The following ARFRP1 variants were observed in gnomAD, a reference collection of about 807,000 sequenced individuals.
The protein encoded by ARFRP1 is ADP-ribosylation factor-related protein 1.
Under a neutral mutation model 30.3 loss-of-function variants are expected in ARFRP1, and 19 were observed. The ratio of observed to expected loss-of-function variants is 0.63; its 90% CI spans 0.44 to 0.92. The LOEUF (loss-of-function observed/expected upper bound fraction) is 0.92, where lower values mean the gene tolerates loss of function less well. Among genes scored for constraint, ARFRP1 ranks in the 40% least tolerant of loss-of-function variants. The pLI, the probability that ARFRP1 is intolerant of heterozygous loss-of-function variation, is 0.00. For missense variants in ARFRP1, 245 were observed against 267.5 expected (o/e 0.92, Z 0.59); for synonymous variants, 133 against 114.2 (o/e 1.16, Z -1.05).
chr20:63,706,314 C>G, intron 4 of ARFRP1, 43 bp downstream of exon 4: 1 of 1,570,038 alleles, frequency 6.4e-7, no homozygotes, highest in African/African-American at 1.4e-5. Context: ...AGAAGTGGCA[C>G]TGGAGGGCTG....
intron 3 of ARFRP1, 54 bp downstream of exon 3, chr20:63,706,597 A>C: frequency 6.5e-7 from 1 of 1,539,944 alleles, no homozygotes; most frequent in Non-Finnish European, 9.0e-7. Flanking sequence ...TGGACTGTGA[A>C]TATCACGGCA....
chr20:63,702,224 G>A lies in ARFRP1; in HGVS notation c.265-7C>T. Reference sequence around the variant, plus strand: ...CGTGACACTCCGCATAATACTGGGAGGAAGCACCAGGAGTTGGGGCTCAGT... The same window carrying A: ...CGTGACACTCCGCATAATACTGGGAAGAAGCACCAGGAGTTGGGGCTCAGT... On this transcript the variant is annotated splice_region_variant and splice_polypyrimidine_tract_variant and intron_variant, in intron 4 of 7. Coordinates refer to ENST00000622789, the MANE Select transcript of ARFRP1 (RefSeq NM_001267547.3). The A allele has an allele frequency of 6.2e-7, 1 of 1,610,670 alleles. No individual in the cohort carries two copies. The highest frequency in any genetic ancestry group is 1.1e-5 in the South Asian group (1 of 91,062).
chr20:63,700,422 C>G lies in ARFRP1; in HGVS notation c.*21G>C. The G allele has an allele frequency of 6.2e-7, 1 of 1,605,514 alleles. No individual in the cohort carries two copies. The highest frequency in any genetic ancestry group is 8.5e-7 in the Non-Finnish European group (1 of 1,179,602). ...CTCCAGCACCAGGGGACCAGCCGTC[C>G]CGACGGCAGCGCGGCTGCGCCTACG... On this transcript the variant is annotated 3_prime_UTR_variant, in exon 8 of 8. Coordinates refer to ENST00000622789, the MANE Select transcript of ARFRP1 (RefSeq NM_001267547.3).
rs530717898 is a variant in ARFRP1 at position 63,698,739 on chromosome 20, G to A, written c.*1704C>T. ...GCAGCCGGGGACACCTGAGCCGCCC[G>A]CTGTGCCCAGATCCCTCAGGCTGCC... On this transcript the variant is annotated 3_prime_UTR_variant, in exon 8 of 8. Transcript: ENST00000622789. The A allele has an allele frequency of 1.5e-4, 105 of 712,714 alleles. No homozygotes were observed. Among genetic ancestry groups the A allele is most frequent in the South Asian group, 8.1e-4 (30 of 36,970 alleles). 44.1% of individuals were successfully genotyped at this position (712,714 alleles called of 1,614,324 possible). A position where few individuals can be genotyped will look rare whatever the true frequency, so the allele number is the denominator to read the frequency against.
chr20:63,707,445 G>GA (rs1445770145), intron 1 of ARFRP1: 2 of 206,658 alleles, frequency 9.7e-6, no homozygotes, highest in African/African-American at 4.7e-5. Flanking sequence ...GCGGAACGGG[G>GA]AACACACTCG....
chr20:63,705,974 C>CG (rs2091437699), intron 4 of ARFRP1: 2 of 347,918 alleles, frequency 5.7e-6, no homozygotes, highest in Non-Finnish European at 1.1e-5. Flanking sequence ...AGATCCCCCC[C>CG]GGCTTCAGGC....
At chr20:63,701,510 G>C in intron 6 of ARFRP1, 2 of 534,198 alleles carry the variant, frequency 3.7e-6, no homozygotes. Flanking sequence ...TTTGAGCTCT[G>C]AGTTTCACCT....
At chr20:63,705,695 C>T (rs2091420324) in intron 4 of ARFRP1, 1 of 533,102 alleles carries the variant, frequency 1.9e-6, no homozygotes, top group African/African-American at 1.9e-5. Flanking sequence ...ATTTCTGTGT[C>T]CTGTGGTGGT....
At chr20:63,702,456 G>A (rs2091262140) in intron 4 of ARFRP1, 1 of 547,964 alleles carries the variant, frequency 1.8e-6, no homozygotes, top group African/African-American at 1.9e-5. Context: ...GGCCAAAGGT[G>A]AAAGACAGGG....
intron 1 of ARFRP1, 133 bp from the exon 2 acceptor site, chr20:63,707,230 C>T (rs922190810): frequency 5.7e-6 from 4 of 701,270 alleles, no homozygotes; most frequent in South Asian, 1.8e-5. Flanking sequence ...TTCCCGACTC[C>T]TCGTCCCTCT....
chr20:63,707,344 C>T (rs2091534110), intron 1 of ARFRP1: 1 of 463,070 alleles, frequency 2.2e-6, no homozygotes. Context: ...CGGCCCCTCC[C>T]CTGCTCGCGG....
chr20:63,706,818 T>C (rs2091493523), intron 2 of ARFRP1, 80 bp from the exon 3 acceptor site: 3 of 1,355,726 alleles, frequency 2.2e-6, no homozygotes, highest in Admixed American at 3.4e-5. Context: ...GTCTGTTCTT[T>C]AAAAGACAGA....
chr20:63,702,146 C>T lies in ARFRP1; in HGVS notation c.336G>A (p.Lys112=). 1 of 1,611,314 alleles carries T rather than the reference C, an allele frequency of 6.2e-7. No individual in the cohort carries two copies. The highest frequency in any genetic ancestry group is 8.5e-7 in the Non-Finnish European group (1 of 1,179,646). ...STDEERLAES[K]QAFEKVVTSE... ...CCAGGCCGCACTCACCAAACGCCTG[C>T]TTGGACTCAGCCAGCCTCTCCTCGT... Residue 112 remains lysine, a synonymous_variant, in exon 5 of 8, where the codon AAG becomes AAA. Transcript: ENST00000622789.
rs1338925799 is a variant in ARFRP1, at chr20:63,699,285, C to G, written c.*1158G>C. On this transcript the variant is annotated 3_prime_UTR_variant, in exon 8 of 8. Transcript: ENST00000622789. ...GGGCCCGACTCCTGTGAGTCACAGC[C>G]CCGCAGCTGCTGCGCCACCCCCACC... 6.6e-6 allele frequency: 1 copy of G among 152,226 alleles called. No individual in the cohort carries two copies. Among genetic ancestry groups the G allele is most frequent in the East Asian group, 1.9e-4 (1 of 5,180 alleles). 9.4% of individuals were successfully genotyped at this position (152,226 alleles called of 1,614,324 possible).
At chr20:63,707,185 C>G in intron 1 of ARFRP1, 88 bp from the exon 2 acceptor site, 1 of 1,140,232 alleles carries the variant, frequency 8.8e-7, no homozygotes. Flanking sequence ...CGCCCCACGT[C>G]CAGCCGACCG....
In ARFRP1 at chr20:63,706,727, C is replaced by T. The variant is rs548213874; in HGVS notation, c.105G>A (p.Glu35=). The T allele has an allele frequency of 2.5e-6, 4 of 1,613,506 alleles. No individual in the cohort carries two copies. The highest frequency in any genetic ancestry group is 2.7e-5 in the African/African-American group (2 of 75,038). The change falls in exon 3 of 8, where the codon GAG becomes GAA. Residue 35 remains glutamate (E), a synonymous_variant. Transcript: ENST00000622789. The part of the protein sequence containing the change: ...LDNAGKTTFL[E]QSKTRFNKNY... ...TCTTGTTAAATCGGGTTTTCGACTG[C>T]TCCAGGAAGGTCTGAGGAGAGAGGC...
At chr20:63,702,727 C>T (rs1371750253) in intron 4 of ARFRP1, 1 of 157,366 alleles carries the variant, frequency 6.4e-6, no homozygotes, top group Non-Finnish European at 1.4e-5. Context: ...ATGAGAGACC[C>T]TGTCTCAAAA....
intron 1 of ARFRP1, chr20:63,707,364 G>A: frequency 2.5e-6 from 1 of 401,950 alleles, no homozygotes; most frequent in Non-Finnish European, 4.6e-6. Flanking sequence ...GGACTACCCA[G>A]CCGGGTGTTC....
chr20:63,700,567 T>G lies in ARFRP1; in HGVS notation c.518+35A>C, dbSNP rs558842032. 75 of 1,610,226 alleles carry G rather than the reference T, an allele frequency of 4.7e-5. No individual in the cohort carries two copies. The East Asian group carries it at 1.1e-3, about 23-fold the overall frequency. On this transcript the variant is annotated intron_variant, in intron 7 of 7. Coordinates refer to ENST00000622789, the MANE Select transcript of ARFRP1 (RefSeq NM_001267547.3). ...GCGGGTGTGAGGCGGGGGGTCTCGG[T>G]CCCCAAAGCCCCCGCAGGTGCAGCC...
Sources: allele counts gnomAD v4.1 joint callset, GRCh38; gene constraint gnomAD v4.1.1; transcripts MANE v1.5; gene names NCBI Gene and HGNC (gene_info 2026-07-23, HGNC 2026-07-21).